TNIK: variants seen among roughly 807,000 people sequenced by gnomAD.
TNIK encodes TRAF2 and NCK-interacting protein kinase.
A neutral mutation model predicts 191.3 loss-of-function variants in TNIK; 49 were observed. That is an observed-to-expected ratio of 0.26 (90% CI 0.20 to 0.32). The LOEUF (loss-of-function observed/expected upper bound fraction) is 0.32. Ranked by LOEUF, TNIK falls within the 10% of genes least tolerant of loss-of-function variation. The probability of loss-of-function intolerance (pLI) is 1.00; values close to 1 mark genes in which losing one functional copy is unlikely to be tolerated. For synonymous variants in TNIK, 594 were observed against 600.9 expected, an observed-to-expected ratio of 0.99 and a Z score of 0.17; for missense variants, 1,155 against 1,702.3, an observed-to-expected ratio of 0.68 and a Z score of 5.66.
At chr3:171,167,836 TATG>T (rs1240695504) in intron 9 of TNIK, among the ~76,000 whole-genome samples, 2 of 152,206 alleles carry the variant, frequency 1.3e-5, no homozygotes, top group African/African-American at 4.8e-5. Context: ...AAGATTTTTA[TATG>T]ATGAAGTGAA....
At chr3:171,209,650 C>G (rs771283540) in intron 4 of TNIK, among the ~76,000 whole-genome samples, 67 of 151,954 alleles carry the variant, frequency 4.4e-4, no homozygotes, top group Admixed American at 7.9e-4. Context: ...ACAATTAAAA[C>G]CTACTGTAAC....
intron 1 of TNIK, among the ~76,000 whole-genome samples, chr3:171,391,223 T>C (rs1448818302): frequency 6.6e-6 from 1 of 152,234 alleles, no homozygotes; most frequent in Non-Finnish European, 1.5e-5. Flanking sequence ...ACTATTTTTG[T>C]CTGTCTTATC....
At chr3:171,364,587 G>T (rs900414304) in intron 2 of TNIK, among the ~76,000 whole-genome samples, 1 of 152,170 alleles carries the variant, frequency 6.6e-6, no homozygotes, top group Non-Finnish European at 1.5e-5. Flanking sequence ...GACAGACTAG[G>T]TCTCTGACTT....
intron 2 of TNIK, among the ~76,000 whole-genome samples, chr3:171,284,794 T>C (rs1013064988): frequency 6.6e-6 from 1 of 152,160 alleles, no homozygotes; most frequent in Non-Finnish European, 1.5e-5. Flanking sequence ...TATGTATTAA[T>C]ACAGTAATAA....
intron 2 of TNIK, among the ~76,000 whole-genome samples, chr3:171,331,303 T>C (rs1310901753): frequency 2.0e-5 from 3 of 152,220 alleles, no homozygotes; most frequent in African/African-American, 7.2e-5. Flanking sequence ...CAATTAGGAA[T>C]ATGGCAAAGA....
rs767318053 is a variant in TNIK, at chr3:171,087,505, G to A, written c.2723C>T (p.Thr908Met). The part of the protein sequence containing the change: ...SREGTLMIRE[T>M]SGEKKRSGHS... ...GCCAGATCGCTTCTTCTCTCCAGACGTCTGAGGGAGCACAGCACGTGGGAG... is the reference window on the plus strand; with the variant it reads ...GCCAGATCGCTTCTTCTCTCCAGACATCTGAGGGAGCACAGCACGTGGGAG... The change falls in exon 24 of 33, where the codon ACG becomes ATG. Residue 908 changes from threonine (T) to methionine (M), a missense_variant and splice_region_variant. Coordinates refer to ENST00000436636, the MANE Select transcript of TNIK (RefSeq NM_015028.4). 25 of 1,613,480 alleles carry A rather than the reference G, an allele frequency of 1.5e-5. No homozygotes were observed. Among genetic ancestry groups the A allele is most frequent in the East Asian group, 6.7e-5 (3 of 44,892 alleles).
At chr3:171,440,495 G>A (rs531133377) in intron 1 of TNIK, among the ~76,000 whole-genome samples, 3 of 152,308 alleles carry the variant, frequency 2.0e-5, no homozygotes, top group East Asian at 3.9e-4. Context: ...TGAGCTCTAG[G>A]GGTAACAGTG....
chr3:171,283,056 G>A (rs909510261), intron 2 of TNIK, among the ~76,000 whole-genome samples: 79 of 151,850 alleles, frequency 5.2e-4, no homozygotes, highest in African/African-American at 1.7e-3. Flanking sequence ...ATAAGAAAAC[G>A]TGACCTTTAT....
chr3:171,194,765 A>G, intron 4 of TNIK, 130 bp from the exon 5 acceptor site: 1 of 718,642 alleles, frequency 1.4e-6, no homozygotes, highest in East Asian at 2.6e-5. Context: ...ATCATAAAAC[A>G]ATATATAAAA....
At chr3:171,302,082 T>C (rs34265824) in intron 2 of TNIK, among the ~76,000 whole-genome samples, 1 of 152,208 alleles carries the variant, frequency 6.6e-6, no homozygotes, top group African/African-American at 2.4e-5. Flanking sequence ...TTCTGCTTAA[T>C]TTGAAATGTT....
intron 3 of TNIK, among the ~76,000 whole-genome samples, chr3:171,223,970 C>T (rs990138076): frequency 1.3e-5 from 2 of 152,042 alleles, no homozygotes; most frequent in African/African-American, 4.8e-5. Flanking sequence ...ACTCTCAGTC[C>T]CTGCGGTAGG....
intron 2 of TNIK, among the ~76,000 whole-genome samples, chr3:171,273,918 C>A (rs1399887280): frequency 6.6e-6 from 1 of 152,104 alleles, no homozygotes; most frequent in Non-Finnish European, 1.5e-5. Flanking sequence ...CATGAAGAAG[C>A]CTGAAACAAC....
chr3:171,341,896 A>G (rs2108403751), intron 2 of TNIK, among the ~76,000 whole-genome samples: 1 of 152,284 alleles, frequency 6.6e-6, no homozygotes, highest in South Asian at 2.1e-4. Context: ...AGTTTGCAAA[A>G]ATGGACCCAG....
At chr3:171,130,143 C>A (rs1178259920) in intron 15 of TNIK, among the ~76,000 whole-genome samples, 2 of 152,180 alleles carry the variant, frequency 1.3e-5, no homozygotes, top group Non-Finnish European at 2.9e-5. Flanking sequence ...CATTTTACTG[C>A]CTGATTTGAA....
intron 4 of TNIK, among the ~76,000 whole-genome samples, chr3:171,197,669 G>A (rs1738877898): frequency 2.0e-5 from 3 of 152,202 alleles, no homozygotes; most frequent in Admixed American, 2.0e-4. Flanking sequence ...GATGTCATTA[G>A]TCATTAGGAA....
chr3:171,072,073 T>C (rs1451139900), intron 28 of TNIK, among the ~76,000 whole-genome samples: 1 of 152,162 alleles, frequency 6.6e-6, no homozygotes, highest in African/African-American at 2.4e-5. Flanking sequence ...CCTACGTGTG[T>C]GTCTCTGATA....
chr3:171,266,291 AC>A (rs1217266434), intron 2 of TNIK, among the ~76,000 whole-genome samples: 4 of 152,158 alleles, frequency 2.6e-5, no homozygotes, highest in African/African-American at 4.8e-5. Context: ...GTCATTCACC[AC>A]CCTTCCCAGG....
chr3:171,157,316 A>G, intron 12 of TNIK, 144 bp downstream of exon 12: 3 of 1,031,314 alleles, frequency 2.9e-6, no homozygotes, highest in Non-Finnish European at 4.2e-6. Flanking sequence ...AAGAGCATTC[A>G]GGACTTATCT....
intron 6 of TNIK, 25 bp downstream of exon 6, chr3:171,190,672 A>G: frequency 1.3e-6 from 2 of 1,544,424 alleles, no homozygotes; most frequent in Non-Finnish European, 8.8e-7. Context: ...CTGCAATTCC[A>G]AGGCTCACAG....
Sources: gnomAD v4.1 joint callset for allele counts (sites outside exome capture counted in the v4.1 genomes callset) on GRCh38, gnomAD v4.1.1 for gene constraint, MANE v1.5 for transcripts, NCBI Gene and HGNC (gene_info 2026-07-23, HGNC 2026-07-21) for gene names.